The following CSMD1 variants were observed in gnomAD, a reference collection of about 807,000 sequenced individuals.
The protein encoded by CSMD1 is CUB and Sushi multiple domains 1, also known as CUB and sushi domain-containing protein 1.
A neutral mutation model predicts 417.5 loss-of-function variants in CSMD1; 213 were observed. The ratio of observed to expected loss-of-function variants is 0.51; its 90% CI spans 0.46 to 0.57. The LOEUF is 0.57. CSMD1 is among the 20% of genes least tolerant of loss of function. CSMD1 has a pLI of 0.00. For missense variants in CSMD1, 6,923 were observed against 4,529.7 expected (o/e 1.53, Z -15.17); for synonymous variants, 2,862 against 1,736.8 (o/e 1.65, Z -16.11).
intron 3 of CSMD1, among the ~76,000 whole-genome samples, chr8:4,130,567 C>T (rs924909852): frequency 5.9e-5 from 9 of 152,118 alleles, no homozygotes; most frequent in African/African-American, 2.2e-4. Context: ...TCAATTACCA[C>T]TGACCTTATG....
intron 28 of CSMD1, among the ~76,000 whole-genome samples, chr8:3,221,407 T>C (rs1217675609): frequency 1.3e-5 from 2 of 152,168 alleles, no homozygotes; most frequent in Non-Finnish European, 2.9e-5. Flanking sequence ...GAATAATAAT[T>C]GTATTTAGAG....
chr8:4,023,311 C>A (rs1283897362), intron 4 of CSMD1, among the ~76,000 whole-genome samples: 1 of 152,176 alleles, frequency 6.6e-6, no homozygotes, highest in Non-Finnish European at 1.5e-5. Flanking sequence ...TTAACTTGAG[C>A]AAAGAGTATT....
intron 2 of CSMD1, among the ~76,000 whole-genome samples, chr8:4,422,203 G>A (rs1042352387): frequency 4.6e-5 from 7 of 152,080 alleles, no homozygotes; most frequent in African/African-American, 7.2e-5. Flanking sequence ...AACACCAGTC[G>A]TACACACTTT....
intron 23 of CSMD1, among the ~76,000 whole-genome samples, chr8:3,321,404 T>C (rs1324957131): frequency 1.3e-5 from 2 of 152,180 alleles, no homozygotes; most frequent in Non-Finnish European, 2.9e-5. Flanking sequence ...GCAGCTGTCC[T>C]ACCCTACCCT....
intron 1 of CSMD1, among the ~76,000 whole-genome samples, chr8:4,859,695 CA>C (rs1201133236): frequency 2.6e-4 from 40 of 151,954 alleles, no homozygotes; most frequent in Non-Finnish European, 2.1e-4. Context: ...AAATGCAAAT[CA>C]AAACCACAAT....
Position 4,934,752 on chromosome 8 carries a change from T to TCTAC in CSMD1, c.85+59576_85+59579dup, listed in dbSNP as rs538976410. On this transcript the variant is annotated intron_variant, in intron 1 of 69. Transcript: ENST00000635120. ...TATATCTATAAACTATCTATATCTA[T>TCTAC]CTACCTACCTATACTATAGGTATCA... Among the ~76,000 whole-genome samples the TCTAC allele has an allele frequency of 2.7e-4, 41 of 152,272 alleles. No individual in the cohort carries two copies. In the East Asian group the frequency reaches 7.5e-3, roughly 28 times the overall value.
At chr8:4,442,214 T>A (rs1798523400) in intron 2 of CSMD1, among the ~76,000 whole-genome samples, 2 of 152,092 alleles carry the variant, frequency 1.3e-5, no homozygotes, top group Admixed American at 1.3e-4. Flanking sequence ...ATAGCAGACA[T>A]GATGTCATAC....
At chr8:4,604,178 A>T (rs1476255828) in intron 2 of CSMD1, among the ~76,000 whole-genome samples, 2 of 152,032 alleles carry the variant, frequency 1.3e-5, no homozygotes, top group Non-Finnish European at 2.9e-5. Context: ...CAAAGTCCTC[A>T]CATAATCGGA....
At chr8:3,253,944 T>C (rs894252826) in intron 26 of CSMD1, among the ~76,000 whole-genome samples, 4 of 152,216 alleles carry the variant, frequency 2.6e-5, no homozygotes, top group Non-Finnish European at 5.9e-5. Context: ...TTTTGCTCAT[T>C]AGTTGATGCT....
rs191181253 is a variant in CSMD1 at position 3,767,800 on chromosome 8, C to A, written c.819-13758G>T. On this transcript the variant is annotated intron_variant, in intron 5 of 69. Coordinates refer to ENST00000635120, the MANE Select transcript of CSMD1 (RefSeq NM_033225.6). ...CAGTGCTCTCATCTTCTCACGTACA[C>A]GGGCTTCCACCAGCACTGCAGCCTT... Among the ~76,000 whole-genome samples, 8 of 152,264 alleles carry A rather than the reference C, an allele frequency of 5.3e-5. No homozygotes were observed. In the East Asian group the frequency reaches 1.5e-3, roughly 29 times the overall value.
At chr8:3,341,542 G>A (rs760391015) in intron 23 of CSMD1, among the ~76,000 whole-genome samples, 7 of 152,160 alleles carry the variant, frequency 4.6e-5, no homozygotes, top group Non-Finnish European at 1.0e-4. Context: ...TTTTTGTGAA[G>A]CAGCCACAGG....
At position 4,360,860 on chromosome 8, in the gene CSMD1, ATCTT is replaced by A. The variant is rs1200591227; in HGVS notation, c.415+59089_415+59092del. 5.3e-5 allele frequency among the ~76,000 whole-genome samples: 8 copies of A among 152,226 alleles called. No individual in the cohort carries two copies. The East Asian group carries it at 1.5e-3, about 29-fold the overall frequency. ...ACGGAGCTTCTGGTCTCCTTTATCTATCTTTAATATTGGTAAAGCACTGACAGGT... is the reference window on the plus strand; with the variant it reads ...ACGGAGCTTCTGGTCTCCTTTATCTATAATATTGGTAAAGCACTGACAGGT... On this transcript the variant is annotated intron_variant, in intron 3 of 69. Transcript: ENST00000635120.
intron 52 of CSMD1, among the ~76,000 whole-genome samples, chr8:3,016,791 T>G (rs1489408982): frequency 6.6e-6 from 1 of 152,222 alleles, no homozygotes; most frequent in Non-Finnish European, 1.5e-5. Context: ...GACTCATTTC[T>G]GAGTGAATCA....
At chr8:4,126,757 C>T (rs575936296) in intron 3 of CSMD1, among the ~76,000 whole-genome samples, 1 of 152,158 alleles carries the variant, frequency 6.6e-6, no homozygotes, top group Admixed American at 6.5e-5. Flanking sequence ...AATAAACATA[C>T]AACTCTTTTC....
At chr8:3,460,657 G>A (rs1816442470) in intron 12 of CSMD1, among the ~76,000 whole-genome samples, 4 of 152,140 alleles carry the variant, frequency 2.6e-5, no homozygotes. Context: ...AGACGGAACT[G>A]ACCGAAATTC....
chr8:3,776,684 G>A (rs1798903301), intron 5 of CSMD1, among the ~76,000 whole-genome samples: 3 of 151,918 alleles, frequency 2.0e-5, no homozygotes, highest in African/African-American at 4.8e-5. Context: ...GCCATTACCT[G>A]ATTTCATACA....
intron 5 of CSMD1, among the ~76,000 whole-genome samples, chr8:3,809,248 G>A (rs559710846): frequency 1.3e-5 from 2 of 152,148 alleles, no homozygotes; most frequent in East Asian, 3.9e-4. Flanking sequence ...AAAGACTTCT[G>A]ACCAGCTGGG....
At chr8:3,541,860 G>C (rs910326273) in intron 10 of CSMD1, among the ~76,000 whole-genome samples, 14 of 151,798 alleles carry the variant, frequency 9.2e-5, no homozygotes, top group Admixed American at 2.6e-4. Context: ...TTAGGAGTTC[G>C]AGACCAGCCT....
In CSMD1 at chr8:3,485,831, A is replaced by C. The variant is rs141627438; in HGVS notation, c.1448+7792T>G. Among the ~76,000 whole-genome samples the C allele has an allele frequency of 8.7e-3, 1,283 of 148,300 alleles. 9 individuals are homozygous for C. Among genetic ancestry groups the C allele is most frequent in the Non-Finnish European group, 0.013 (841 of 66,874 alleles). ...ATAAAATAAAATAAAATAAAATAAA[A>C]TAAAACAGGAAATCTGAATAAGATC... On this transcript the variant is annotated intron_variant, in intron 11 of 69. Transcript: ENST00000635120.
Sources: gnomAD v4.1 joint callset for allele counts (sites outside exome capture counted in the v4.1 genomes callset) on GRCh38, gnomAD v4.1.1 for gene constraint, MANE v1.5 for transcripts, NCBI Gene and HGNC (gene_info 2026-07-23, HGNC 2026-07-21) for gene names.